SHOX: variants seen among roughly 807,000 people sequenced by gnomAD.
SHOX encodes short stature homeobox protein.
In SHOX, 12 loss-of-function variants were observed where a neutral mutation model predicts 29.6. The observed-to-expected ratio is 0.41, with a 90% CI of 0.26 to 0.66. The LOEUF is 0.66. Ranked by LOEUF, SHOX falls within the 30% of genes least tolerant of loss-of-function variation. The pLI, the probability that SHOX is intolerant of heterozygous loss-of-function variation, is 0.35. For synonymous variants in SHOX, 214 were observed against 200.6 expected (o/e 1.07, Z -0.57); for missense variants, 499 against 437.7 (o/e 1.14, Z -1.25).
At chrX:643,049 GGCCTTGGGGATCTGGTGTCCCGGGAGA>G (rs2052887002) in intron 4 of SHOX, among the ~76,000 whole-genome samples, 2 of 136,484 alleles carry the variant, frequency 1.5e-5, no homozygotes, top group African/African-American at 2.9e-5. Flanking sequence ...GACCCGGGAG[GGCCTTGGGGATCTGGTGTCCCGGGAGA>G]GCCTTGGGGA....
At chrX:625,854 A>C (rs1281722550), upstream of SHOX, among the ~76,000 whole-genome samples, 17 of 84,720 alleles carry the variant, frequency 2.0e-4, no homozygotes, top group South Asian at 4.2e-4. Flanking sequence ...CTGTCTCTGT[A>C]TCTCTGTCTA....
upstream of SHOX, among the ~76,000 whole-genome samples, chrX:625,817 GTC>G (rs775547737): frequency 1.3e-4 from 16 of 126,742 alleles, no homozygotes; most frequent in African/African-American, 4.9e-4. Flanking sequence ...CTCTGTCTCT[GTC>G]TCTCTTTCTC....
chrX:636,306 T>A (rs1449781736), intron 2 of SHOX, among the ~76,000 whole-genome samples: 1 of 110,136 alleles, frequency 9.1e-6, no homozygotes, highest in Non-Finnish European at 1.8e-5. Flanking sequence ...TTAACATATA[T>A]AAAATATGTA....
rs1222968784 is a variant in SHOX, at chrX:624,890, CT to C, written c.-433+291del. On this transcript the variant is annotated intron_variant, in intron 1 of 5. Transcript: ENST00000334060. Reference sequence around the variant, plus strand: ...TCTTTCTTTCTTTCTTTCTTTCTTTCTTTCTTTCTTTCTCTCTTCCTTTCTT... The same window carrying C: ...TCTTTCTTTCTTTCTTTCTTTCTTTCTTCTTTCTTTCTCTCTTCCTTTCTT... Among the ~76,000 whole-genome samples the C allele has an allele frequency of 2.1e-4, 13 of 61,554 alleles. 1 individual carries two copies. The highest frequency in any genetic ancestry group is 1.2e-3 in the African/African-American group (11 of 9,306). 40.4% of individuals were successfully genotyped at this position (61,554 alleles called of 152,430 possible).
upstream of SHOX, among the ~76,000 whole-genome samples, chrX:629,891 G>C (rs1258570316): frequency 6.6e-6 from 1 of 152,214 alleles, no homozygotes; most frequent in Non-Finnish European, 1.5e-5. Flanking sequence ...AGGCGGGAGG[G>C]AGCGAGCAGG....
At chrX:656,790 T>A (rs1347565736) in intron 5 of SHOX, among the ~76,000 whole-genome samples, 1 of 148,834 alleles carries the variant, frequency 6.7e-6, no homozygotes, top group African/African-American at 2.5e-5. Flanking sequence ...ATGCAGTGAG[T>A]CGAGATCGCG....
At chrX:634,437 G>A (rs1411195295) in intron 1 of SHOX, among the ~76,000 whole-genome samples, 181 bp from the exon 2 acceptor site, 1 of 152,234 alleles carries the variant, frequency 6.6e-6, no homozygotes, top group African/African-American at 2.4e-5. Context: ...GCAAAGCCCA[G>A]GTTTTTGGGA....
chrX:624,909 CCTTT>C (rs201032866), intron 1 of SHOX, among the ~76,000 whole-genome samples: 8,503 of 38,646 alleles, frequency 0.22, 1,053 homozygotes, highest in African/African-American at 0.45. Flanking sequence ...TTTCTCTCTT[CCTTT>C]CTTTCTTTCT....
rs765654795 is a variant in SHOX, at chrX:631,006, G to A, written c.109G>A (p.Glu37Lys). 6.2e-6 allele frequency: 10 copies of A among 1,613,776 alleles called. No individual in the cohort carries two copies. Among genetic ancestry groups the A allele is most frequent in the Non-Finnish European group, 4.2e-6 (5 of 1,179,860 alleles). The change falls in exon 1 of 5, where the codon GAA (glutamate) becomes AAA (lysine). Residue 37 changes from glutamate to lysine, a missense_variant. Transcript: ENST00000686671. ...TAAGAAGGATTCCATTACGTACCGG[G>A]AAGTTTTGGAGAGCGGACTGGCGCG... ...GGKKDSITYR[E>K]VLESGLARSR... is the part of the protein sequence containing the mutation.
chrX:634,714 C>A lies in SHOX; in HGVS notation c.374C>A (p.Thr125Lys). 1 of 1,613,760 alleles carries A rather than the reference C, an allele frequency of 6.2e-7. No homozygotes were observed. Among genetic ancestry groups the A allele is most frequent in the Non-Finnish European group, 8.5e-7 (1 of 1,179,822 alleles). Residue 125 changes from threonine (T) to lysine (K), a missense_variant, in exon 2 of 5, where the codon ACG becomes AAG. Physicochemically the swap from Thr to Lys is moderately conservative, Grantham distance 78 (BLOSUM62 -1). Transcript: ENST00000686671. ...LKQRRSRTNF[T>K]LEQLNELERL... is the part of the protein sequence containing the mutation. ...CAGAGGCGCAGCCGCACCAACTTCA[C>A]GCTGGAGCAGCTGAACGAGCTCGAG... is the stretch of plus-strand genomic sequence containing the variant.
Position 630,838 on chromosome X carries a change from C to T in SHOX, c.-60C>T. On this transcript the variant is annotated 5_prime_UTR_variant, in exon 1 of 5. Transcript: ENST00000686671. ...CACCCGCGCGCACGGGCCGTCCTCTCCGCGCGGGGAGACGCGCGCATCCAC... is the reference window on the plus strand; with the variant it reads ...CACCCGCGCGCACGGGCCGTCCTCTTCGCGCGGGGAGACGCGCGCATCCAC... 2 of 1,602,360 alleles carry T rather than the reference C, an allele frequency of 1.2e-6. No individual in the cohort carries two copies. Among genetic ancestry groups the T allele is most frequent in the Admixed American group, 1.7e-5 (1 of 59,756 alleles).
chrX:631,933 A>G, intron 1 of SHOX: 1 of 456,050 alleles, frequency 2.2e-6, no homozygotes, highest in South Asian at 1.5e-5. Flanking sequence ...GCGCCTTCCC[A>G]GCGCTCAGCG....
intron 4 of SHOX, among the ~76,000 whole-genome samples, chrX:643,970 CGGG>C (rs2052915355): frequency 3.7e-5 from 2 of 53,982 alleles, no homozygotes; most frequent in Non-Finnish European, 8.5e-5. Context: ...CCTGGTGTCT[CGGG>C]AGAGCCTTGG....
intron 1 of SHOX, among the ~76,000 whole-genome samples, chrX:631,689 G>A (rs1254539610): frequency 6.6e-5 from 10 of 152,100 alleles, no homozygotes; most frequent in Non-Finnish European, 7.4e-5. Context: ...GCACCACCAC[G>A]CCTGGCTAAT....
intron 4 of SHOX, among the ~76,000 whole-genome samples, chrX:642,303 G>GA (rs2052870162): frequency 6.6e-6 from 1 of 152,080 alleles, no homozygotes; most frequent in African/African-American, 2.4e-5. Context: ...ACGGGCTTGG[G>GA]GGGGGGGCTC....
Position 644,437 on chromosome X carries a change from A to G in SHOX, c.680A>G (p.His227Arg). The G allele has an allele frequency of 6.6e-7, 1 of 1,521,844 alleles. No homozygotes were observed. Among genetic ancestry groups the G allele is most frequent in the Admixed American group, 2.0e-5 (1 of 50,220 alleles). The allele number at this position is 1,521,844 out of a possible 1,614,324, so 94.3% of individuals were successfully genotyped here. A position where few individuals can be genotyped will look rare whatever the true frequency, so the allele number is the denominator to read the frequency against. Reference protein sequence around the residue: ...QLEGVAHAHPHLHPHLAAHAP... With the variant: ...QLEGVAHAHPRLHPHLAAHAP... ...GAAGGCGTGGCCCACGCGCACCCGC[A>G]CCTGCACCCGCACCTGGCGGCGCAC... The change falls in exon 5 of 5, where the codon CAC becomes CGC. Residue 227 changes from histidine (H) to arginine (R), a missense_variant. Coordinates refer to ENST00000686671, the MANE Select transcript of SHOX (RefSeq NM_000451.4).
chrX:654,136 A>G (rs2053105373), downstream of SHOX, among the ~76,000 whole-genome samples: 1 of 152,098 alleles, frequency 6.6e-6, no homozygotes, highest in Admixed American at 6.6e-5. Flanking sequence ...TTTGCACTAT[A>G]GCATAATAAG....
intron 2 of SHOX, among the ~76,000 whole-genome samples, chrX:635,062 T>G (rs2124167225): frequency 6.6e-6 from 1 of 152,144 alleles, no homozygotes; most frequent in South Asian, 2.1e-4. Context: ...TACATATATA[T>G]TATACAAATA....
At chrX:625,727 C>CTCTT (rs1352287030) in intron 1 of SHOX, among the ~76,000 whole-genome samples, 1 of 126,876 alleles carries the variant, frequency 7.9e-6, no homozygotes, top group Non-Finnish European at 1.7e-5. Flanking sequence ...CTCTCTCTCT[C>CTCTT]CTCTCTCTCT....
Sources: allele counts gnomAD v4.1 joint callset (sites outside exome capture counted in the v4.1 genomes callset), GRCh38; gene constraint gnomAD v4.1.1; transcripts MANE v1.5; gene names NCBI Gene and HGNC (gene_info 2026-07-23, HGNC 2026-07-21).